The following PARD3 variants were observed in gnomAD, a reference collection of about 807,000 sequenced individuals.
PARD3 encodes partitioning defective 3 homolog.
A neutral mutation model predicts 155.4 loss-of-function variants in PARD3; 75 were observed. That is an observed-to-expected ratio of 0.48 (90% CI 0.40 to 0.58). The LOEUF (loss-of-function observed/expected upper bound fraction) is 0.58, where lower values mean the gene tolerates loss of function less well. Among genes scored for constraint, PARD3 ranks in the 20% least tolerant of loss-of-function variants. PARD3 has a pLI of 0.00. For missense variants in PARD3, 1,642 were observed against 1,721.7 expected, an observed-to-expected ratio of 0.95 and a Z score of 0.82; for synonymous variants, 576 against 610.5, an observed-to-expected ratio of 0.94 and a Z score of 0.83.
chr10:34,647,435 C>T (rs569389404), intron 2 of PARD3, among the ~76,000 whole-genome samples: 1 of 152,152 alleles, frequency 6.6e-6, no homozygotes, highest in Non-Finnish European at 1.5e-5. Context: ...TAAGACTCCA[C>T]AAATTTAAAG....
chr10:34,346,010 TA>T (rs1295910258), intron 15 of PARD3: 2 of 985,182 alleles, frequency 2.0e-6, no homozygotes, highest in Non-Finnish European at 2.4e-6. Context: ...ATCCAAATCA[TA>T]AAAACATCAA....
intron 2 of PARD3, among the ~76,000 whole-genome samples, chr10:34,687,171 T>C (rs1817277288): frequency 6.6e-6 from 1 of 152,172 alleles, no homozygotes; most frequent in South Asian, 2.1e-4. Flanking sequence ...AAAATTATTA[T>C]AGCACATTTC....
chr10:34,137,866 A>G (rs536031105), intron 22 of PARD3, among the ~76,000 whole-genome samples: 7 of 152,232 alleles, frequency 4.6e-5, no homozygotes, highest in African/African-American at 7.2e-5. Flanking sequence ...CCACTAGGTT[A>G]GGCAATTTGC....
At chr10:34,438,565 A>G (rs1344311130) in intron 5 of PARD3, among the ~76,000 whole-genome samples, 1 of 152,170 alleles carries the variant, frequency 6.6e-6, no homozygotes, top group Non-Finnish European at 1.5e-5. Flanking sequence ...ATAATACATG[A>G]TATCAGAAAA....
At chr10:34,330,217 T>C (rs1016653056) in intron 19 of PARD3, among the ~76,000 whole-genome samples, 6 of 152,222 alleles carry the variant, frequency 3.9e-5, no homozygotes, top group African/African-American at 1.2e-4. Context: ...CTATTAGGAC[T>C]CCTAAGCCCT....
Position 34,389,239 on chromosome 10 carries a change from TAAAAA to T in PARD3, c.891-4990_891-4986del, listed in dbSNP as rs57615675. On this transcript the variant is annotated intron_variant, in intron 7 of 24. Transcript: ENST00000374788. ...GACTTCGTTTTTGAACAATGTTTCT[TAAAAA>T]AAAAAAAAAAAAAAAAAAAAAGACA... Among the ~76,000 whole-genome samples the T allele has an allele frequency of 5.2e-4, 34 of 65,850 alleles. 1 individual carries two copies. Among genetic ancestry groups the T allele is most frequent in the African/African-American group, 2.0e-3 (27 of 13,800 alleles). 43.2% of individuals were successfully genotyped at this position (65,850 alleles called of 152,430 possible).
At chr10:34,325,373 TG>T (rs1261152722) in intron 19 of PARD3, among the ~76,000 whole-genome samples, 2 of 152,132 alleles carry the variant, frequency 1.3e-5, no homozygotes, top group Non-Finnish European at 2.9e-5. Context: ...AGCCCAGAGA[TG>T]GCTCCCCATT....
Position 34,360,064 on chromosome 10 carries a change from C to T in PARD3, c.1896+7G>A. 1 of 1,607,344 alleles carries T rather than the reference C, an allele frequency of 6.2e-7. No homozygotes were observed. On this transcript the variant is annotated splice_region_variant and intron_variant, in intron 13 of 24. Coordinates refer to ENST00000374788, the MANE Select transcript of PARD3 (RefSeq NM_001184785.2). ...ATAGGCATACGCATGATAAAGTTGA[C>T]ACTCACTTTAGATGCTGCTCCTCCA...
chr10:34,627,318 G>A (rs1379165545), intron 2 of PARD3, among the ~76,000 whole-genome samples: 1 of 152,168 alleles, frequency 6.6e-6, no homozygotes, highest in South Asian at 2.1e-4. Flanking sequence ...ATGAGCCACC[G>A]TGCCCAGCTG....
chr10:34,241,550 T>C (rs560585036), intron 22 of PARD3, among the ~76,000 whole-genome samples: 11 of 152,190 alleles, frequency 7.2e-5, no homozygotes, highest in Admixed American at 2.6e-4. Context: ...AAAGCAGCAC[T>C]GTAGTAGGCA....
At chr10:34,686,648 G>A (rs1357893017) in intron 2 of PARD3, among the ~76,000 whole-genome samples, 1 of 152,070 alleles carries the variant, frequency 6.6e-6, no homozygotes, top group Admixed American at 6.6e-5. Flanking sequence ...GGCTGAGGCA[G>A]GAGAATTATC....
intron 2 of PARD3, among the ~76,000 whole-genome samples, chr10:34,676,934 A>G (rs565011781): frequency 1.3e-4 from 20 of 152,224 alleles, no homozygotes; most frequent in Non-Finnish European, 2.1e-4. Context: ...TACTTTCTGC[A>G]TAGTCTACAC....
intron 2 of PARD3, among the ~76,000 whole-genome samples, chr10:34,535,345 A>C (rs607870): frequency 0.37 from 56,363 of 151,936 alleles, 10,802 homozygotes; most frequent in South Asian, 0.45. Flanking sequence ...AAAATCCCCC[A>C]TCTAAGACAC....
At chr10:34,313,980 A>G (rs1449518680) in intron 20 of PARD3, among the ~76,000 whole-genome samples, 10 of 152,218 alleles carry the variant, frequency 6.6e-5, no homozygotes, top group Admixed American at 6.5e-4. Context: ...ACACACAGAC[A>G]CACCCCTACT....
intron 11 of PARD3, 128 bp from the exon 12 acceptor site, chr10:34,372,664 T>C: frequency 1.5e-6 from 1 of 682,424 alleles, no homozygotes; most frequent in South Asian, 1.8e-5. Context: ...TAAAGGGTAA[T>C]TATATGATGG....
chr10:34,772,096 A>T (rs951199128), intron 1 of PARD3, among the ~76,000 whole-genome samples: 4 of 152,198 alleles, frequency 2.6e-5, no homozygotes, highest in Non-Finnish European at 5.9e-5. Context: ...TTTCACTCAC[A>T]AATCCAGAAT....
At chr10:34,813,645 C>A (rs959612923) in intron 1 of PARD3, among the ~76,000 whole-genome samples, 3 of 152,178 alleles carry the variant, frequency 2.0e-5, no homozygotes, top group Admixed American at 6.5e-5. Context: ...CCAATATATA[C>A]TAAAAGCAAA....
intron 2 of PARD3, among the ~76,000 whole-genome samples, chr10:34,538,490 T>A (rs906749876): frequency 6.6e-6 from 1 of 152,196 alleles, no homozygotes; most frequent in East Asian, 1.9e-4. Flanking sequence ...GAAAATAAGC[T>A]TTGCCAAGAC....
intron 1 of PARD3, among the ~76,000 whole-genome samples, chr10:34,803,548 T>C (rs910982761): frequency 6.6e-6 from 1 of 152,150 alleles, no homozygotes; most frequent in African/African-American, 2.4e-5. Flanking sequence ...CTCAGCACTT[T>C]GGGAGGCCAA....
Sources: allele counts gnomAD v4.1 joint callset (sites outside exome capture counted in the v4.1 genomes callset), GRCh38; gene constraint gnomAD v4.1.1; transcripts MANE v1.5; gene names NCBI Gene and HGNC (gene_info 2026-07-23, HGNC 2026-07-21).